The following UBE2T variants were observed in gnomAD, a reference collection of about 807,000 sequenced individuals.
UBE2T encodes the protein ubiquitin conjugating enzyme E2 T, also known as ubiquitin-conjugating enzyme E2 T.
UBE2T carries 15 observed loss-of-function variants against 23.3 expected under a neutral mutation model. That is an observed-to-expected ratio of 0.64 (90% CI 0.43 to 0.99). The LOEUF (loss-of-function observed/expected upper bound fraction) is 0.99. Ranked by LOEUF, UBE2T falls within the 50% of genes least tolerant of loss-of-function variation. The pLI, the probability that UBE2T is intolerant of heterozygous loss-of-function variation, is 0.00. For synonymous variants in UBE2T, 67 were observed against 78.4 expected (o/e 0.85, Z 0.77); for missense variants, 197 against 234.9 (o/e 0.84, Z 1.05).
chr1:202,331,675 T>G lies in UBE2T; in HGVS notation c.*160A>C. The G allele has an allele frequency of 1.1e-6, 1 of 896,954 alleles. No individual in the cohort carries two copies. The highest frequency in any genetic ancestry group is 1.7e-6 in the Non-Finnish European group (1 of 602,708). The allele number at this position is 896,954 out of a possible 1,614,324, so 55.6% of individuals were successfully genotyped here. The stretch of plus-strand genomic sequence containing the variant: ...CACATACTCAACATTAAATGACTAT[T>G]TATTTTTCAGGTTTAAAAGATTTCA... On this transcript the variant is annotated 3_prime_UTR_variant, in exon 7 of 7. Coordinates refer to ENST00000646651, the MANE Select transcript of UBE2T (RefSeq NM_014176.4).
At chr1:202,333,151 A>G (rs1303481120) in intron 5 of UBE2T, 58 bp from the exon 6 acceptor site, 1 of 1,600,988 alleles carries the variant, frequency 6.2e-7, no homozygotes, top group Non-Finnish European at 8.6e-7. Context: ...CAGTGGTTAG[A>G]GCTGCTGCAG....
chr1:202,340,417 G>A (rs918201140), intron 1 of UBE2T, among the ~76,000 whole-genome samples: 4 of 151,744 alleles, frequency 2.6e-5, no homozygotes, highest in Non-Finnish European at 5.9e-5. Flanking sequence ...GGAAGGCTGA[G>A]GCAGGAGAAT....
intron 3 of UBE2T, among the ~76,000 whole-genome samples, chr1:202,334,598 AG>A (rs1379339586): frequency 6.6e-6 from 1 of 152,168 alleles, no homozygotes; most frequent in Non-Finnish European, 1.5e-5. Flanking sequence ...AGGGGCTGAG[AG>A]CGGGGAGAAA....
chr1:202,332,444 C>G (rs984708838), intron 6 of UBE2T, among the ~76,000 whole-genome samples: 1 of 152,190 alleles, frequency 6.6e-6, no homozygotes, highest in African/African-American at 2.4e-5. Context: ...AAAAAATTAA[C>G]CAGATGCTGC....
chr1:202,337,416 C>T (rs750339431), intron 1 of UBE2T, among the ~76,000 whole-genome samples: 9 of 152,112 alleles, frequency 5.9e-5, no homozygotes, highest in African/African-American at 1.4e-4. Flanking sequence ...TAGAGATATT[C>T]CTACATAGCC....
In UBE2T at chr1:202,331,807, T is replaced by G. The variant is rs1322333805; in HGVS notation, c.*28A>C. ...TTAGATCACCTTGGCAAAGAACACA[T>G]TAACTAAGATGAACCAGGACAAGTC... On this transcript the variant is annotated 3_prime_UTR_variant, in exon 7 of 7. Coordinates refer to ENST00000646651, the MANE Select transcript of UBE2T (RefSeq NM_014176.4). 6.2e-7 allele frequency: 1 copy of G among 1,613,420 alleles called. No homozygotes were observed. The highest frequency in any genetic ancestry group is 1.7e-5 in the Admixed American group (1 of 59,894).
rs923211269 is a variant in UBE2T, at chr1:202,332,674, C to T, written c.468+336G>A. 2.6e-5 allele frequency among the ~76,000 whole-genome samples: 4 copies of T among 151,408 alleles called. 1 individual carries two copies. The highest frequency in any genetic ancestry group is 1.3e-4 in the Admixed American group (2 of 15,198). The stretch of plus-strand genomic sequence containing the variant: ...CTGTAATCCCAGCACTTTGGGAGGC[C>T]GAGGCGGGCGGATCACGAGGTCAGG... On this transcript the variant is annotated intron_variant, in intron 6 of 6. Coordinates refer to ENST00000646651, the MANE Select transcript of UBE2T (RefSeq NM_014176.4).
rs1654860719 is a variant in UBE2T at position 202,335,532 on chromosome 1, G to A, written c.109+114C>T. 2 of 960,320 alleles carry A rather than the reference G, an allele frequency of 2.1e-6. No homozygotes were observed. The highest frequency in any genetic ancestry group is 2.5e-5 in the East Asian group (1 of 40,686). The allele number at this position is 960,320 out of a possible 1,614,324, so 59.5% of individuals were successfully genotyped here. A position where few individuals can be genotyped will look rare whatever the true frequency, so the allele number is the denominator to read the frequency against. ...ACAAATTTGGGTAGAAAGATGGTAG[G>A]GCACTCTGACCTTATAACTGCTCCT... On this transcript the variant is annotated intron_variant, in intron 2 of 6. Transcript: ENST00000646651. The surrounding 1 kb of genome is among the most constrained non-coding windows in gnomAD (Gnocchi z 4.0).
In UBE2T at chr1:202,335,528, G is replaced by T; in HGVS notation, c.109+118C>A. The T allele has an allele frequency of 2.1e-6, 2 of 937,996 alleles. No individual in the cohort carries two copies. The highest frequency in any genetic ancestry group is 1.6e-5 in the South Asian group (1 of 61,350). The allele number at this position is 937,996 out of a possible 1,614,324, so 58.1% of individuals were successfully genotyped here. On this transcript the variant is annotated intron_variant, in intron 2 of 6. Coordinates refer to ENST00000646651, the MANE Select transcript of UBE2T (RefSeq NM_014176.4). This position sits in a 1 kb window ranked among gnomAD's most constrained non-coding sequence, Gnocchi z 4.0. ...GTAAACAAATTTGGGTAGAAAGATG[G>T]TAGGGCACTCTGACCTTATAACTGC...
chr1:202,332,017 A>G (rs1654763356), intron 6 of UBE2T, 57 bp from the exon 7 acceptor site: 1 of 1,590,676 alleles, frequency 6.3e-7, no homozygotes, highest in Non-Finnish European at 8.6e-7. Context: ...AGGATGGAGA[A>G]AAATGAAGCT....
chr1:202,338,306 A>T (rs1026290725), intron 1 of UBE2T, among the ~76,000 whole-genome samples: 2 of 151,856 alleles, frequency 1.3e-5, no homozygotes, highest in South Asian at 4.2e-4. Context: ...CGCAATCTCC[A>T]CCTCCTGGGT....
chr1:202,338,205 T>C (rs868369632), intron 1 of UBE2T, among the ~76,000 whole-genome samples: 5 of 152,174 alleles, frequency 3.3e-5, no homozygotes, highest in African/African-American at 9.7e-5. Flanking sequence ...TACTGATACA[T>C]GTAAATCTAA....
At chr1:202,341,322 T>G (rs1311222451) in intron 1 of UBE2T, among the ~76,000 whole-genome samples, 1 of 152,024 alleles carries the variant, frequency 6.6e-6, no homozygotes, top group East Asian at 1.9e-4. Context: ...CTCACGCCTG[T>G]AATCCCAGCA....
chr1:202,337,967 G>A (rs1654921902), intron 1 of UBE2T, among the ~76,000 whole-genome samples: 1 of 152,032 alleles, frequency 6.6e-6, no homozygotes, highest in South Asian at 2.1e-4. Context: ...AGGGTTCTGT[G>A]GTTTGGATTG....
intron 1 of UBE2T, among the ~76,000 whole-genome samples, chr1:202,339,288 A>G (rs187289345): frequency 1.3e-5 from 2 of 152,050 alleles, no homozygotes; most frequent in Admixed American, 1.3e-4. Context: ...TATCTATTAC[A>G]TGCAATTTTC....
At chr1:202,333,731 G>C (rs1471682199) in intron 3 of UBE2T, among the ~76,000 whole-genome samples, 176 bp from the exon 4 acceptor site, 1 of 152,034 alleles carries the variant, frequency 6.6e-6, no homozygotes, top group Non-Finnish European at 1.5e-5. Context: ...AAATAAATCA[G>C]TTTGAAATAA....
rs557296252 is a variant in UBE2T at position 202,337,227 on chromosome 1, C to G, written c.-64-1409G>C. Among the ~76,000 whole-genome samples the G allele has an allele frequency of 3.3e-5, 5 of 152,296 alleles. No individual in the cohort carries two copies. The East Asian group carries it at 9.6e-4, about 29-fold the overall frequency. The stretch of plus-strand genomic sequence containing the variant: ...AAGTGCTAGGATTACAGGCGTGAGC[C>G]ACCGCGCCCAGCCAACACCAATCCT... On this transcript the variant is annotated intron_variant, in intron 1 of 6. Coordinates refer to ENST00000646651, the MANE Select transcript of UBE2T (RefSeq NM_014176.4).
At chr1:202,332,447 G>T (rs964926100) in intron 6 of UBE2T, among the ~76,000 whole-genome samples, 2 of 152,174 alleles carry the variant, frequency 1.3e-5, no homozygotes, top group African/African-American at 4.8e-5. Flanking sequence ...AAATTAACCA[G>T]ATGCTGCCTG....
chr1:202,334,889 AT>A (rs2148340330), intron 3 of UBE2T, 99 bp downstream of exon 3: 1 of 1,125,908 alleles, frequency 8.9e-7, no homozygotes, highest in African/African-American at 1.6e-5. Context: ...TAAGGCCAGG[AT>A]TAAAACCTAG....
Sources: allele counts gnomAD v4.1 joint callset (sites outside exome capture counted in the v4.1 genomes callset), GRCh38; gene constraint gnomAD v4.1.1; non-coding constraint Gnocchi (gnomAD v3.1); transcripts MANE v1.5; gene names NCBI Gene and HGNC (gene_info 2026-07-23, HGNC 2026-07-21).